The following PTN variants were observed in gnomAD, a reference collection of about 807,000 sequenced individuals.
The protein encoded by PTN is heparin affin regulatory protein.
A neutral mutation model predicts 24.1 loss-of-function variants in PTN; 18 were observed. That is an observed-to-expected ratio of 0.75 (90% CI 0.52 to 1.11). The LOEUF is 1.11. PTN is among the 50% of genes least tolerant of loss of function. The pLI, the probability that PTN is intolerant of heterozygous loss-of-function variation, is 0.00. For missense variants in PTN, 163 were observed against 198.8 expected, an observed-to-expected ratio of 0.82 and a Z score of 1.08; for synonymous variants, 78 against 68.6, an observed-to-expected ratio of 1.14 and a Z score of -0.67.
At chr7:137,313,024 G>T (rs375117388) in intron 1 of PTN, among the ~76,000 whole-genome samples, 1 of 151,858 alleles carries the variant, frequency 6.6e-6, no homozygotes, top group East Asian at 1.9e-4. Context: ...ATACTTCTAG[G>T]TACTTCCTAC....
At chr7:137,268,258 CG>C (rs1462391188) in intron 1 of PTN, among the ~76,000 whole-genome samples, 1 of 152,050 alleles carries the variant, frequency 6.6e-6, no homozygotes, top group Non-Finnish European at 1.5e-5. Context: ...TGGAGTCCCC[CG>C]CAGGGATGTT....
At chr7:137,254,229 A>G (rs1808877489) in intron 2 of PTN, among the ~76,000 whole-genome samples, 1 of 151,784 alleles carries the variant, frequency 6.6e-6, no homozygotes, top group Non-Finnish European at 1.5e-5. Context: ...ACCGGGAGAC[A>G]GAGGATACAG....
intron 1 of PTN, among the ~76,000 whole-genome samples, chr7:137,312,464 T>C (rs1031187071): frequency 6.6e-6 from 1 of 152,232 alleles, no homozygotes; most frequent in Non-Finnish European, 1.5e-5. Context: ...CTGGGTGGTT[T>C]ATTCTGCCCG....
chr7:137,304,774 G>A (rs935475621), intron 1 of PTN, among the ~76,000 whole-genome samples: 1 of 151,992 alleles, frequency 6.6e-6, no homozygotes, highest in Non-Finnish European at 1.5e-5. Flanking sequence ...ACCTAGAGGA[G>A]AAGCAAAAGG....
intron 4 of PTN, among the ~76,000 whole-genome samples, chr7:137,248,062 G>A (rs778974417): frequency 7.2e-5 from 11 of 152,110 alleles, no homozygotes; most frequent in Non-Finnish European, 1.5e-4. Context: ...GTTACCATAT[G>A]GAAAACACCT....
chr7:137,343,402 A>T (rs1245499332), intron 1 of PTN, 37 bp downstream of exon 1: 1 of 488,278 alleles, frequency 2.0e-6, no homozygotes, highest in African/African-American at 2.0e-5. Context: ...ACTCGATCGA[A>T]GAGCCCTCCG....
intron 3 of PTN, among the ~76,000 whole-genome samples, chr7:137,251,964 T>TG (rs1394468863): frequency 5.3e-5 from 8 of 152,018 alleles, no homozygotes; most frequent in African/African-American, 1.9e-4. Context: ...TTACCAGCCT[T>TG]GGGTTACTAC....
intron 1 of PTN, among the ~76,000 whole-genome samples, chr7:137,311,534 A>C (rs2128879891): frequency 6.6e-6 from 1 of 152,282 alleles, no homozygotes; most frequent in African/African-American, 2.4e-5. Flanking sequence ...TCTAGATTTT[A>C]ATTTAAAATG....
At chr7:137,267,156 TTCTCTCTTTGACTTTCTGTC>T (rs1809166245) in intron 1 of PTN, among the ~76,000 whole-genome samples, 1 of 152,068 alleles carries the variant, frequency 6.6e-6, no homozygotes, top group Admixed American at 6.5e-5. Flanking sequence ...CTCTTGTTCT[TTCTCTCTTTGACTTTCTGTC>T]TCTCTCTCTG....
chr7:137,267,868 A>G (rs1809185065), intron 1 of PTN, among the ~76,000 whole-genome samples: 1 of 152,192 alleles, frequency 6.6e-6, no homozygotes. Flanking sequence ...GTCAAAAACA[A>G]AAAACAAAGT....
intron 1 of PTN, among the ~76,000 whole-genome samples, chr7:137,267,532 C>T (rs773134220): frequency 1.5e-4 from 23 of 152,096 alleles, no homozygotes; most frequent in South Asian, 4.1e-4. Flanking sequence ...ATGGCCAACC[C>T]ACCTCAAATG....
chr7:137,342,438 T>C (rs1810549149), intron 1 of PTN, among the ~76,000 whole-genome samples: 1 of 152,132 alleles, frequency 6.6e-6, no homozygotes, highest in African/African-American at 2.4e-5. Flanking sequence ...TCCTATTTTC[T>C]GAATGTGTCC....
At chr7:137,281,746 T>G (rs1809478450) in intron 1 of PTN, among the ~76,000 whole-genome samples, 1 of 152,198 alleles carries the variant, frequency 6.6e-6, no homozygotes, top group East Asian at 1.9e-4. Flanking sequence ...TAAAGATATA[T>G]ATGCACTCCA....
At chr7:137,294,443 C>A (rs1425456275) in intron 1 of PTN, among the ~76,000 whole-genome samples, 2 of 152,146 alleles carry the variant, frequency 1.3e-5, no homozygotes, top group African/African-American at 4.8e-5. Context: ...TCATGATGGA[C>A]AATAGCCTTG....
At chr7:137,311,000 C>T (rs1330866736) in intron 1 of PTN, among the ~76,000 whole-genome samples, 3 of 151,994 alleles carry the variant, frequency 2.0e-5, no homozygotes, top group South Asian at 2.1e-4. Context: ...GGGAGGCCAA[C>T]GTGAGCAGAT....
chr7:137,228,255 G>T (rs540823597), intron 4 of PTN, among the ~76,000 whole-genome samples, 180 bp from the exon 5 acceptor site: 1 of 151,904 alleles, frequency 6.6e-6, no homozygotes, highest in Non-Finnish European at 1.5e-5. Context: ...GTGTGTGTGT[G>T]TGTCTGTCTG....
intron 1 of PTN, among the ~76,000 whole-genome samples, chr7:137,258,652 C>A (rs1181645819): frequency 6.6e-6 from 1 of 151,930 alleles, no homozygotes; most frequent in Admixed American, 6.6e-5. Context: ...AAAACAATAC[C>A]CAACTAGCCT....
At chr7:137,341,313 A>T (rs991218587) in intron 1 of PTN, among the ~76,000 whole-genome samples, 19 of 152,154 alleles carry the variant, frequency 1.2e-4, no homozygotes, top group Non-Finnish European at 2.5e-4. Flanking sequence ...AAATTTTTTT[A>T]AAAAATGAAA....
chr7:137,315,559 G>T (rs1810058527), intron 1 of PTN, among the ~76,000 whole-genome samples: 1 of 152,184 alleles, frequency 6.6e-6, no homozygotes, highest in Non-Finnish European at 1.5e-5. Flanking sequence ...GGCAAGTTGG[G>T]ACATTGTTTG....
Sources: allele counts gnomAD v4.1 joint callset (sites outside exome capture counted in the v4.1 genomes callset), GRCh38; gene constraint gnomAD v4.1.1; transcripts MANE v1.5; gene names NCBI Gene and HGNC (gene_info 2026-07-23, HGNC 2026-07-21).